ATP6V1H: variants seen among roughly 807,000 people sequenced by gnomAD.
The protein encoded by ATP6V1H is ATPase H+ transporting V1 subunit H, also known as V-type proton ATPase subunit H.
A neutral mutation model predicts 71.7 loss-of-function variants in ATP6V1H; 39 were observed. The observed-to-expected ratio is 0.54, with a 90% CI of 0.42 to 0.71. ATP6V1H has a LOEUF of 0.71. ATP6V1H is among the 30% of genes least tolerant of loss of function. ATP6V1H has a pLI of 0.00. For missense variants in ATP6V1H, 509 were observed against 594.9 expected, an observed-to-expected ratio of 0.86 and a Z score of 1.50; for synonymous variants, 192 against 199.3, an observed-to-expected ratio of 0.96 and a Z score of 0.31.
intron 7 of ATP6V1H, among the ~76,000 whole-genome samples, chr8:53,807,411 C>T (rs1810116676): frequency 6.6e-6 from 1 of 151,938 alleles, no homozygotes; most frequent in Admixed American, 6.6e-5. Flanking sequence ...ACCAGCCTGG[C>T]CAACATGGCG....
intron 8 of ATP6V1H, among the ~76,000 whole-genome samples, chr8:53,799,995 C>T (rs1295809661): frequency 1.3e-5 from 2 of 152,180 alleles, no homozygotes; most frequent in Non-Finnish European, 2.9e-5. Flanking sequence ...GATTAAGACA[C>T]CTACTTTATT....
chr8:53,779,257 A>G (rs981287412), intron 9 of ATP6V1H, among the ~76,000 whole-genome samples: 6 of 152,120 alleles, frequency 3.9e-5, no homozygotes, highest in African/African-American at 1.2e-4. Context: ...CACTTGGTAC[A>G]TCCACTATGA....
In ATP6V1H at chr8:53,815,039, T is replaced by C. The variant is rs73680315; in HGVS notation, c.421-273A>G. Reference sequence around the variant, plus strand: ...ATTATTTTGAGTTTCAAAAGTAAGATTGGAATTCATTATATGACCAGCAAA... The same window carrying C: ...ATTATTTTGAGTTTCAAAAGTAAGACTGGAATTCATTATATGACCAGCAAA... On this transcript the variant is annotated intron_variant, in intron 5 of 13. Coordinates refer to ENST00000359530, the MANE Select transcript of ATP6V1H (RefSeq NM_015941.4). Among the ~76,000 whole-genome samples the C allele has an allele frequency of 7.5e-3, 1,135 of 152,298 alleles. 9 individuals carry two copies. Among genetic ancestry groups the C allele is most frequent in the African/African-American group, 0.025 (1,025 of 41,560 alleles).
intron 4 of ATP6V1H, among the ~76,000 whole-genome samples, chr8:53,823,771 G>C (rs987256705): frequency 6.6e-6 from 1 of 152,102 alleles, no homozygotes; most frequent in Non-Finnish European, 1.5e-5. Context: ...ACCATGCCTG[G>C]CCAATATTTA....
At chr8:53,778,316 T>C (rs570822460) in intron 9 of ATP6V1H, among the ~76,000 whole-genome samples, 88 of 152,308 alleles carry the variant, frequency 5.8e-4, no homozygotes, top group Non-Finnish European at 1.1e-3. Flanking sequence ...ACTTTAAACA[T>C]TTATCTTTTC....
intron 13 of ATP6V1H, among the ~76,000 whole-genome samples, chr8:53,736,781 G>A (rs955906570): frequency 1.3e-5 from 2 of 152,154 alleles, no homozygotes; most frequent in Non-Finnish European, 2.9e-5. Flanking sequence ...GAATAAGGAA[G>A]GAGACCACCT....
At chr8:53,798,008 A>G (rs1809796936) in intron 8 of ATP6V1H, among the ~76,000 whole-genome samples, 1 of 152,144 alleles carries the variant, frequency 6.6e-6, no homozygotes, top group African/African-American at 2.4e-5. Context: ...AGAGGCAATT[A>G]CCCCCAGCAA....
At chr8:53,792,891 G>C (rs189085008) in intron 9 of ATP6V1H, among the ~76,000 whole-genome samples, 200 of 152,284 alleles carry the variant, frequency 1.3e-3, no homozygotes, top group African/African-American at 4.5e-3. Flanking sequence ...TCCCTGGTCT[G>C]CCACTTCCTA....
chr8:53,718,776 A>G (rs1384182788), intron 13 of ATP6V1H, among the ~76,000 whole-genome samples: 5 of 152,208 alleles, frequency 3.3e-5, no homozygotes, highest in African/African-American at 9.6e-5. Flanking sequence ...TAGAAAAATC[A>G]GCACCTCCTT....
At chr8:53,831,337 C>A (rs2130523837) in intron 3 of ATP6V1H, among the ~76,000 whole-genome samples, 1 of 152,260 alleles carries the variant, frequency 6.6e-6, no homozygotes, top group African/African-American at 2.4e-5. Flanking sequence ...ATACTATAGG[C>A]AACTGTAACA....
At chr8:53,783,234 T>C (rs1336687756) in intron 9 of ATP6V1H, among the ~76,000 whole-genome samples, 1 of 152,218 alleles carries the variant, frequency 6.6e-6, no homozygotes, top group Admixed American at 6.5e-5. Flanking sequence ...GTTATTGGTC[T>C]ATTCAGAGAT....
chr8:53,736,470 C>T (rs1807207593), intron 13 of ATP6V1H, among the ~76,000 whole-genome samples: 1 of 152,214 alleles, frequency 6.6e-6, no homozygotes, highest in Admixed American at 6.5e-5. Flanking sequence ...AAGCTTCTAG[C>T]TGTTAAAAAC....
intron 9 of ATP6V1H, among the ~76,000 whole-genome samples, chr8:53,774,217 T>C (rs1233770613): frequency 1.3e-5 from 2 of 152,258 alleles, no homozygotes; most frequent in Non-Finnish European, 2.9e-5. Flanking sequence ...ATTGTCAAGC[T>C]GACAAAAAGT....
chr8:53,760,826 A>G (rs1808247345), intron 11 of ATP6V1H, among the ~76,000 whole-genome samples: 1 of 152,288 alleles, frequency 6.6e-6, no homozygotes. Context: ...GAGTTTAGGC[A>G]CAACTGGCCA....
intron 2 of ATP6V1H, among the ~76,000 whole-genome samples, chr8:53,836,084 C>T (rs183060724): frequency 1.3e-5 from 2 of 152,192 alleles, no homozygotes; most frequent in African/African-American, 2.4e-5. Flanking sequence ...CTTCACGTAC[C>T]GGTCAGGAAA....
At chr8:53,827,142 G>A (rs540091025) in intron 4 of ATP6V1H, among the ~76,000 whole-genome samples, 74 of 152,174 alleles carry the variant, frequency 4.9e-4, no homozygotes, top group South Asian at 8.3e-4. Context: ...AGCACTTTGG[G>A]AGGCCGAGGT....
intron 12 of ATP6V1H, among the ~76,000 whole-genome samples, chr8:53,749,155 G>T (rs1305815517): frequency 6.6e-6 from 1 of 152,170 alleles, no homozygotes; most frequent in Middle Eastern, 3.2e-3. Context: ...TTACATAATG[G>T]AAGCATTAAT....
intron 9 of ATP6V1H, among the ~76,000 whole-genome samples, chr8:53,779,536 ATTC>A (rs758633322): frequency 6.6e-6 from 1 of 150,680 alleles, no homozygotes; most frequent in Non-Finnish European, 1.5e-5. Flanking sequence ...ATTATTTATA[ATTC>A]TTCTCTTAAC....
intron 7 of ATP6V1H, among the ~76,000 whole-genome samples, chr8:53,809,012 T>C (rs1810185924): frequency 6.6e-6 from 1 of 152,134 alleles, no homozygotes; most frequent in Non-Finnish European, 1.5e-5. Flanking sequence ...GATTTAAAGA[T>C]GTGATACTGA....
Sources: allele counts gnomAD v4.1 joint callset (sites outside exome capture counted in the v4.1 genomes callset), GRCh38; gene constraint gnomAD v4.1.1; transcripts MANE v1.5; gene names NCBI Gene and HGNC (gene_info 2026-07-23, HGNC 2026-07-21).